COLQ: variants seen among roughly 807,000 people sequenced by gnomAD.
COLQ encodes the protein collagen like tail subunit of asymmetric acetylcholinesterase, also known as acetylcholinesterase collagenic tail peptide.
A neutral mutation model predicts 69.0 loss-of-function variants in COLQ; 48 were observed. The observed-to-expected ratio is 0.70, with a 90% CI of 0.55 to 0.88. The LOEUF (loss-of-function observed/expected upper bound fraction) is 0.88. Among genes scored for constraint, COLQ ranks in the 40% least tolerant of loss-of-function variants. The probability of loss-of-function intolerance (pLI) is 0.00; values close to 1 mark genes in which losing one functional copy is unlikely to be tolerated. For synonymous variants in COLQ, 217 were observed against 211.2 expected, an observed-to-expected ratio of 1.03 and a Z score of -0.24; for missense variants, 618 against 594.6, an observed-to-expected ratio of 1.04 and a Z score of -0.41.
chr3:15,508,536 G>A (rs987204311), intron 1 of COLQ, among the ~76,000 whole-genome samples: 1 of 152,178 alleles, frequency 6.6e-6, no homozygotes, highest in African/African-American at 2.4e-5. Context: ...ATTTGATTGA[G>A]GGGAAGTATC....
intron 1 of COLQ, among the ~76,000 whole-genome samples, chr3:15,504,391 T>C (rs75392636): frequency 0.047 from 7,099 of 152,242 alleles, 543 homozygotes; most frequent in African/African-American, 0.16. Context: ...GGCTTGGGCA[T>C]GGCCACCTGC....
intron 12 of COLQ, among the ~76,000 whole-genome samples, chr3:15,460,740 TAGGA>T (rs1161012408): frequency 6.6e-6 from 1 of 152,186 alleles, no homozygotes; most frequent in Non-Finnish European, 1.5e-5. Flanking sequence ...TATAATTCTG[TAGGA>T]AGAGCTCCAG....
intron 11 of COLQ, among the ~76,000 whole-genome samples, chr3:15,468,862 A>C (rs2062239723): frequency 6.6e-6 from 1 of 152,142 alleles, no homozygotes; most frequent in African/African-American, 2.4e-5. Flanking sequence ...AGGAGACTGG[A>C]TTAAGTGGTC....
intron 6 of COLQ, among the ~76,000 whole-genome samples, chr3:15,476,364 C>T (rs766170857): frequency 6.6e-6 from 1 of 152,206 alleles, no homozygotes; most frequent in Non-Finnish European, 1.5e-5. Flanking sequence ...TCCTCAGTAG[C>T]ACTAGCAACA....
At chr3:15,508,942 G>A (rs2062946010) in intron 1 of COLQ, among the ~76,000 whole-genome samples, 1 of 152,154 alleles carries the variant, frequency 6.6e-6, no homozygotes, top group Middle Eastern at 3.4e-3. Context: ...CTTGAGCTCA[G>A]GAGTTCAAGA....
At chr3:15,497,775 T>C (rs2062767219) in intron 1 of COLQ, among the ~76,000 whole-genome samples, 1 of 152,212 alleles carries the variant, frequency 6.6e-6, no homozygotes, top group East Asian at 1.9e-4. Context: ...GACTTTATTG[T>C]AGTGAGTTGG....
chr3:15,489,950 C>G (rs1327725483), intron 1 of COLQ, among the ~76,000 whole-genome samples: 2 of 152,234 alleles, frequency 1.3e-5, no homozygotes, highest in African/African-American at 2.4e-5. Flanking sequence ...AAAGTTCAAA[C>G]AGATTTCATC....
rs2125158409 is a variant in COLQ at position 15,498,763 on chromosome 3, C to G, written c.107-9126G>C. 1.5e-5 allele frequency: 23 copies of G among 1,519,826 alleles called. No homozygotes were observed. The South Asian group carries it at 2.8e-4, about 19-fold the overall frequency. The allele number at this position is 1,519,826 out of a possible 1,614,324, so 94.1% of individuals were successfully genotyped here. A position where few individuals can be genotyped will look rare whatever the true frequency, so the allele number is the denominator to read the frequency against. Reference sequence around the variant, plus strand: ...AGATGCCAGGGGTCTGGAGCCAGTCCTGAGCTCCTGGGAGTAGCAATGGGT... The same window carrying G: ...AGATGCCAGGGGTCTGGAGCCAGTCGTGAGCTCCTGGGAGTAGCAATGGGT... On this transcript the variant is annotated intron_variant, in intron 1 of 16. Coordinates refer to ENST00000383788, the MANE Select transcript of COLQ (RefSeq NM_005677.4).
At chr3:15,462,481 G>A (rs890106824) in intron 12 of COLQ, among the ~76,000 whole-genome samples, 16 of 151,738 alleles carry the variant, frequency 1.1e-4, no homozygotes, top group African/African-American at 3.2e-4. Flanking sequence ...CTCAAAGGAC[G>A]GAATGGGGGG....
chr3:15,451,500 C>G lies in COLQ; in HGVS notation c.*144G>C, dbSNP rs375831415. On this transcript the variant is annotated 3_prime_UTR_variant, in exon 17 of 17. Transcript: ENST00000383788. ...AATTCTTCCAGTCAGACTGAGTTAA[C>G]AGCATGTCTTAGTAGCAGGAATTTG... The G allele has an allele frequency of 3.7e-6, 3 of 810,990 alleles. No individual in the cohort carries two copies. Among genetic ancestry groups the G allele is most frequent in the Non-Finnish European group, 6.6e-6 (3 of 451,888 alleles). The allele number at this position is 810,990 out of a possible 1,614,324, so 50.2% of individuals were successfully genotyped here. A position where few individuals can be genotyped will look rare whatever the true frequency, so the allele number is the denominator to read the frequency against.
chr3:15,518,348 C>T (rs2063089918), intron 1 of COLQ, among the ~76,000 whole-genome samples: 1 of 152,154 alleles, frequency 6.6e-6, no homozygotes. Context: ...GCAGCAACTC[C>T]TCCCTCCCCA....
intron 16 of COLQ, among the ~76,000 whole-genome samples, chr3:15,453,322 C>A (rs901284132): frequency 2.0e-5 from 3 of 152,130 alleles, no homozygotes; most frequent in Admixed American, 6.5e-5. Flanking sequence ...CTTGGAGGGG[C>A]CATGAGCTTG....
intron 1 of COLQ, 63 bp from the exon 2 acceptor site, chr3:15,489,700 C>T (rs1278506652): frequency 1.7e-5 from 25 of 1,478,174 alleles, no homozygotes; most frequent in Non-Finnish European, 2.1e-5. Context: ...TCACACCCAC[C>T]GTGCCCAGGG....
chr3:15,456,864 C>T (rs2062034036), intron 13 of COLQ, among the ~76,000 whole-genome samples: 1 of 151,684 alleles, frequency 6.6e-6, no homozygotes, highest in Non-Finnish European at 1.5e-5. Context: ...ACGCGGTTGC[C>T]CAGGCTGGAG....
At chr3:15,518,669 A>G (rs2063094275) in intron 1 of COLQ, among the ~76,000 whole-genome samples, 1 of 152,136 alleles carries the variant, frequency 6.6e-6, no homozygotes, top group Non-Finnish European at 1.5e-5. Flanking sequence ...GAAGGAGTGG[A>G]TTATCTATGA....
At chr3:15,497,667 G>T (rs545750426) in intron 1 of COLQ, among the ~76,000 whole-genome samples, 1 of 152,062 alleles carries the variant, frequency 6.6e-6, no homozygotes, top group South Asian at 2.1e-4. Flanking sequence ...TCCTCTTTTG[G>T]GGCCTTTCCC....
At chr3:15,469,476 T>C (rs2062248243) in intron 11 of COLQ, among the ~76,000 whole-genome samples, 1 of 152,220 alleles carries the variant, frequency 6.6e-6, no homozygotes, top group African/African-American at 2.4e-5. Context: ...ACCATGACCA[T>C]GCTACCCATG....
Position 15,477,198 on chromosome 3 carries a change from C to T in COLQ, c.394-1G>A. 1 of 1,604,556 alleles carries T rather than the reference C, an allele frequency of 6.2e-7. No homozygotes were observed. Among genetic ancestry groups the T allele is most frequent in the Non-Finnish European group, 8.5e-7 (1 of 1,175,858 alleles). On this transcript the variant is annotated splice_acceptor_variant, in intron 5 of 16. Transcript: ENST00000383788. LOFTEE classifies it high-confidence loss of function. ...GAACACCTGGGGGGCCAGGTCTACCCTTCAAAGACCAAGAACAAAAGTCAG... is the reference window on the plus strand; with the variant it reads ...GAACACCTGGGGGGCCAGGTCTACCTTTCAAAGACCAAGAACAAAAGTCAG...
chr3:15,475,887 G>A (rs1244579798), intron 6 of COLQ, among the ~76,000 whole-genome samples: 2 of 152,112 alleles, frequency 1.3e-5, no homozygotes, highest in Non-Finnish European at 2.9e-5. Context: ...CATAGGAAGG[G>A]TCCTCAGAAT....
Sources: allele counts gnomAD v4.1 joint callset (sites outside exome capture counted in the v4.1 genomes callset), GRCh38; gene constraint gnomAD v4.1.1; transcripts MANE v1.5; gene names NCBI Gene and HGNC (gene_info 2026-07-23, HGNC 2026-07-21).